RGS5: variants seen among roughly 807,000 people sequenced by gnomAD.
The protein encoded by RGS5 is regulator of G protein signaling 5.
A neutral mutation model predicts 18.9 loss-of-function variants in RGS5; 20 were observed. That is an observed-to-expected ratio of 1.06 (90% CI 0.74 to 1.54). The LOEUF is 1.54. RGS5 is among the 40% of genes most tolerant of loss of function. RGS5 has a pLI of 0.00. For synonymous variants in RGS5, 57 were observed against 76.2 expected (o/e 0.75, Z 1.31); for missense variants, 201 against 211.8 (o/e 0.95, Z 0.32).
At chr1:163,154,778 T>C (rs992108601) in intron 3 of RGS5, among the ~76,000 whole-genome samples, 2 of 151,034 alleles carry the variant, frequency 1.3e-5, no homozygotes, top group African/African-American at 2.4e-5. Flanking sequence ...AACTTATTTC[T>C]CTCTGTGTCA....
At chr1:163,185,317 A>T (rs1659024339) in intron 1 of RGS5, among the ~76,000 whole-genome samples, 1 of 152,162 alleles carries the variant, frequency 6.6e-6, no homozygotes, top group South Asian at 2.1e-4. Flanking sequence ...GCTTTTTTAA[A>T]TCAAATTAAT....
Position 163,179,296 on chromosome 1 carries a change from T to C in RGS5, c.45-10928A>G, listed in dbSNP as rs183586189. On this transcript the variant is annotated intron_variant, in intron 1 of 4. Coordinates refer to ENST00000313961, the MANE Select transcript of RGS5 (RefSeq NM_003617.4). The stretch of plus-strand genomic sequence containing the variant: ...TTTTTAAACCTTACCTTGCCTTAGT[T>C]TTCTCATCTGTAAAATGAAGATAAT... 9.8e-5 allele frequency among the ~76,000 whole-genome samples: 15 copies of C among 152,356 alleles called. No homozygotes were observed. The East Asian group carries it at 2.7e-3, about 27-fold the overall frequency.
intron 2 of RGS5, among the ~76,000 whole-genome samples, chr1:163,302,512 G>A (rs942758567): frequency 2.6e-5 from 4 of 152,098 alleles, no homozygotes; most frequent in Admixed American, 1.3e-4. Context: ...CTCCCTTGTC[G>A]CTACTGGTAT....
intron 4 of RGS5, among the ~76,000 whole-genome samples, chr1:163,148,449 G>A (rs1349170446): frequency 3.3e-5 from 5 of 152,266 alleles, no homozygotes; most frequent in Middle Eastern, 3.4e-3. Flanking sequence ...GTGCTCGGTC[G>A]GTGCCAGGCA....
At chr1:163,254,498 GT>G (rs1487218059) in intron 2 of RGS5, among the ~76,000 whole-genome samples, 4 of 151,350 alleles carry the variant, frequency 2.6e-5, no homozygotes, top group African/African-American at 4.8e-5. Flanking sequence ...TGATGGGGTT[GT>G]TTTTTTCTTG....
intron 2 of RGS5, 88 bp downstream of exon 2, chr1:163,168,170 G>T: frequency 1.1e-6 from 1 of 931,190 alleles, no homozygotes. Flanking sequence ...ATTGAAGGGG[G>T]TAGTTCTACA....
chr1:163,228,390 A>G (rs1376951023), intron 2 of RGS5, among the ~76,000 whole-genome samples: 2 of 152,222 alleles, frequency 1.3e-5, no homozygotes, highest in Non-Finnish European at 2.9e-5. Flanking sequence ...CCTCTGAAGC[A>G]ATGGACTGAG....
upstream of RGS5, among the ~76,000 whole-genome samples, chr1:163,220,773 G>A (rs1040568083): frequency 2.0e-5 from 3 of 152,090 alleles, no homozygotes; most frequent in Middle Eastern, 3.2e-3. Flanking sequence ...TTATCTCAGT[G>A]GGCCCAATGT....
intron 1 of RGS5, among the ~76,000 whole-genome samples, chr1:163,312,578 T>C (rs112972503): frequency 2.0e-3 from 304 of 152,288 alleles, no homozygotes; most frequent in African/African-American, 6.7e-3. Context: ...GACAGTGATA[T>C]GAACCAGGAT....
chr1:163,180,969 C>T (rs1658816789), intron 1 of RGS5, among the ~76,000 whole-genome samples: 1 of 152,114 alleles, frequency 6.6e-6, no homozygotes, highest in South Asian at 2.1e-4. Context: ...GCTGGTATTA[C>T]AGGCGTGAGC....
intron 2 of RGS5, among the ~76,000 whole-genome samples, chr1:163,255,005 A>G (rs374332856): frequency 1.3e-5 from 2 of 151,996 alleles, no homozygotes; most frequent in African/African-American, 2.4e-5. Context: ...CCATTGATCT[A>G]TATCTCTGTT....
chr1:163,241,699 G>T (rs1477392541), intron 2 of RGS5, among the ~76,000 whole-genome samples: 1 of 152,032 alleles, frequency 6.6e-6, no homozygotes, highest in Non-Finnish European at 1.5e-5. Flanking sequence ...ACCAGACTTT[G>T]GTATGGCCAT....
rs1256416678 is a variant in RGS5, at chr1:163,270,193, A to G, written c.-281+36040T>C. Among the ~76,000 whole-genome samples the G allele has an allele frequency of 2.0e-4, 30 of 152,104 alleles. 1 individual carries two copies. Among genetic ancestry groups the G allele is most frequent in the Non-Finnish European group, 5.9e-5 (4 of 67,976 alleles). ...TCGCTCAGAGATGTTTGAATTCTTG[A>G]CACAGTTCTTTTTCTTTGCCTGAAG... On this transcript the variant is annotated intron_variant, in intron 2 of 5. Transcript: ENST00000618415.
chr1:163,232,198 G>C (rs917365730), intron 2 of RGS5, among the ~76,000 whole-genome samples: 2 of 152,160 alleles, frequency 1.3e-5, no homozygotes, highest in Admixed American at 1.3e-4. Context: ...GTTTTTGCTA[G>C]AAGGCTAAGG....
At chr1:163,232,065 A>G (rs1445403949) in intron 2 of RGS5, among the ~76,000 whole-genome samples, 3 of 151,112 alleles carry the variant, frequency 2.0e-5, no homozygotes, top group Non-Finnish European at 4.4e-5. Context: ...ATTTACTTTT[A>G]TTAGGACTCC....
chr1:163,196,398 C>T (rs1349645185), intron 1 of RGS5, among the ~76,000 whole-genome samples: 1 of 152,146 alleles, frequency 6.6e-6, no homozygotes, highest in Non-Finnish European at 1.5e-5. Flanking sequence ...TATCATCTAT[C>T]CCGTAATATT....
At chr1:163,240,881 T>C (rs1320309001) in intron 2 of RGS5, among the ~76,000 whole-genome samples, 1 of 152,168 alleles carries the variant, frequency 6.6e-6, no homozygotes, top group African/African-American at 2.4e-5. Flanking sequence ...CTTGTCAAAA[T>C]GTATCTAAGG....
At chr1:163,252,333 C>T (rs1452031528) in intron 2 of RGS5, among the ~76,000 whole-genome samples, 2 of 152,062 alleles carry the variant, frequency 1.3e-5, no homozygotes, top group African/African-American at 4.8e-5. Flanking sequence ...ACATAAAAGT[C>T]TTTTGTTAGG....
At chr1:163,313,493 G>A (rs1351301655) in intron 1 of RGS5, among the ~76,000 whole-genome samples, 1 of 152,140 alleles carries the variant, frequency 6.6e-6, no homozygotes, top group Non-Finnish European at 1.5e-5. Flanking sequence ...GCTTCCAGAG[G>A]AATAAAATAG....
Sources: gnomAD v4.1 joint callset for allele counts (sites outside exome capture counted in the v4.1 genomes callset) on GRCh38, gnomAD v4.1.1 for gene constraint, MANE v1.5 for transcripts, NCBI Gene and HGNC (gene_info 2026-07-23, HGNC 2026-07-21) for gene names.